CCDC136: variants seen among roughly 807,000 people sequenced by gnomAD.
CCDC136 encodes the protein coiled-coil domain containing 136.
In CCDC136, 100 loss-of-function variants were observed where a neutral mutation model predicts 141.2. The observed-to-expected ratio is 0.71, with a 90% CI of 0.60 to 0.84. CCDC136 has a LOEUF of 0.84. CCDC136 is among the 40% of genes least tolerant of loss of function. The pLI, the probability that CCDC136 is intolerant of heterozygous loss-of-function variation, is 0.00. For synonymous variants in CCDC136, 474 were observed against 531.9 expected (o/e 0.89, Z 1.50); for missense variants, 1,206 against 1,379.4 (o/e 0.87, Z 1.99).
intron 10 of CCDC136, among the ~76,000 whole-genome samples, chr7:128,808,004 C>T (rs1327600888): frequency 6.6e-6 from 1 of 152,156 alleles, no homozygotes; most frequent in Non-Finnish European, 1.5e-5. Context: ...GACCTAGGCT[C>T]TTCTAGGATT....
Position 128,815,874 on chromosome 7 carries a change from C to T in CCDC136, c.3306C>T (p.Asp1102=), listed in dbSNP as rs1370892079. ...EDSEEEEDDA[D]SSLESPEENN... ...GTGAAGAGGAGGAGGATGACGCCGA[C>T]TCTTCCCTTGAAAGTCCCGAAGAAA... Residue 1102 remains aspartate, a synonymous_variant, in exon 16 of 18, where the codon GAC becomes GAT. Transcript: ENST00000297788. 2 of 1,613,920 alleles carry T rather than the reference C, an allele frequency of 1.2e-6. No individual in the cohort carries two copies. The highest frequency in any genetic ancestry group is 2.7e-5 in the African/African-American group (2 of 75,018).
Position 128,801,486 on chromosome 7 carries a change from T to C in CCDC136, c.647T>C (p.Leu216Pro). 1 of 1,605,134 alleles carries C rather than the reference T, an allele frequency of 6.2e-7. No individual in the cohort carries two copies. Residue 216 changes from leucine (L) to proline (P), a missense_variant, in exon 4 of 18, where the codon CTC becomes CCC. Physicochemically the swap from Leu to Pro is moderately conservative, Grantham distance 98. Coordinates refer to ENST00000297788, the MANE Select transcript of CCDC136 (RefSeq NM_022742.5). Reference sequence around the variant, plus strand: ...TCTGAACCATCCGGTAGTTTAGGTCTCTCAGATTACTCTGGGTTACAAGGT... The same window carrying C: ...TCTGAACCATCCGGTAGTTTAGGTCCCTCAGATTACTCTGGGTTACAAGGT... ...KSSEPSGSLG[L>P]SDYSGLQEEL... is the part of the protein sequence containing the mutation.
intron 9 of CCDC136, among the ~76,000 whole-genome samples, 186 bp from the exon 10 acceptor site, chr7:128,807,174 C>T (rs1804988361): frequency 1.3e-5 from 2 of 152,178 alleles, no homozygotes; most frequent in South Asian, 4.1e-4. Flanking sequence ...GGAAAGGCTG[C>T]ACTGGGAAGG....
Position 128,812,709 on chromosome 7 carries a change from G to C in CCDC136, c.2543G>C (p.Arg848Pro). 6.2e-7 allele frequency: 1 copy of C among 1,611,876 alleles called. No individual in the cohort carries two copies. Among genetic ancestry groups the C allele is most frequent in the Non-Finnish European group, 8.5e-7 (1 of 1,179,292 alleles). ...EEPAEPEDME[R>P]FEEMVVKVLI... is the part of the protein sequence containing the mutation. ...TTGTTGCTCCCCCACCCCCCGCAGC[G>C]CTTTGAGGAAATGGTTGTGAAAGTG... Residue 848 changes from arginine (R) to proline (P), a missense_variant and splice_region_variant, in exon 14 of 18, where the codon CGC becomes CCC. By Grantham distance (103) the Arg-to-Pro change is moderately radical (BLOSUM62 -2). Transcript: ENST00000297788.
Position 128,809,432 on chromosome 7 carries a change from A to ACCCCC in CCDC136, c.1606-15_1606-14insCCCCC. ...CTTACAGAGTAACCACCCCCTCCACACCCGCCCCCACCCACAGTGTGACAC... is the reference window on the plus strand; with the variant it reads ...CTTACAGAGTAACCACCCCCTCCACACCCCCCCCGCCCCCACCCACAGTGTGACAC... On this transcript the variant is annotated splice_polypyrimidine_tract_variant and intron_variant, in intron 10 of 17. Coordinates refer to ENST00000297788, the MANE Select transcript of CCDC136 (RefSeq NM_022742.5). 3.2e-6 allele frequency: 4 copies of ACCCCC among 1,253,168 alleles called. No individual in the cohort carries two copies. Among genetic ancestry groups the ACCCCC allele is most frequent in the Non-Finnish European group, 4.5e-6 (4 of 898,208 alleles). 77.6% of individuals were successfully genotyped at this position (1,253,168 alleles called of 1,614,324 possible).
rs1409420724 is a variant in CCDC136 at position 128,805,885 on chromosome 7, C to G, written c.1073C>G (p.Ser358Cys). The change falls in exon 7 of 18, where the codon TCC becomes TGC. Residue 358 changes from serine (S) to cysteine (C), a missense_variant. Coordinates refer to ENST00000297788, the MANE Select transcript of CCDC136 (RefSeq NM_022742.5). The surrounding 1 kb of genome is among the most constrained non-coding windows in gnomAD (Gnocchi z 4.6). ...AQNEVLRFQT[S>C]HSVTQNEELK... Reference sequence around the variant, plus strand: ...AATGAGGTGCTTCGGTTTCAGACCTCCCACAGTGTCACCCAGGTAAACACT... The same window carrying G: ...AATGAGGTGCTTCGGTTTCAGACCTGCCACAGTGTCACCCAGGTAAACACT... The G allele has an allele frequency of 6.2e-7, 1 of 1,613,784 alleles. No homozygotes were observed. Among genetic ancestry groups the G allele is most frequent in the Admixed American group, 1.7e-5 (1 of 59,994 alleles).
rs1803984596 is a variant in CCDC136 at position 128,801,342 on chromosome 7, T to C, written c.503T>C (p.Ile168Thr). 6 of 1,613,646 alleles carry C rather than the reference T, an allele frequency of 3.7e-6. No individual in the cohort carries two copies. Among genetic ancestry groups the C allele is most frequent in the African/African-American group, 1.3e-5 (1 of 75,006 alleles). The change falls in exon 4 of 18, where the codon ATA becomes ACA. Residue 168 changes from isoleucine (I) to threonine (T), a missense_variant. Physicochemically the swap from Ile to Thr is moderately conservative, Grantham distance 89. Transcript: ENST00000297788. ...TCCGCAACTGAACATGAGAGTGACATAGCATCCCTGCAGGAGGATCTCTGC... is the reference window on the plus strand; with the variant it reads ...TCCGCAACTGAACATGAGAGTGACACAGCATCCCTGCAGGAGGATCTCTGC... Reference protein sequence around the residue: ...EDSATEHESDIASLQEDLCRM... With the variant: ...EDSATEHESDTASLQEDLCRM...
chr7:128,798,648 A>G (rs931299013), intron 3 of CCDC136, among the ~76,000 whole-genome samples: 3 of 152,142 alleles, frequency 2.0e-5, no homozygotes, highest in Admixed American at 1.3e-4. Flanking sequence ...CTGTTTCTCC[A>G]GAACACCCAC....
chr7:128,816,338 C>T (rs541159397), intron 16 of CCDC136, among the ~76,000 whole-genome samples: 82 of 152,354 alleles, frequency 5.4e-4, no homozygotes, highest in African/African-American at 1.9e-3. Context: ...GTCACTCAGT[C>T]CAGTTTTCCT....
rs144717767 is a variant in CCDC136, at chr7:128,802,504, G to GAT, written c.670+996_670+997dup. On this transcript the variant is annotated intron_variant, in intron 4 of 17. Coordinates refer to ENST00000297788, the MANE Select transcript of CCDC136 (RefSeq NM_022742.5). ...GTATCTCAGCTCCACTAATTAGCAG[G>GAT]ATGAACGTAGGAGGTCTGGTTATGG... Among the ~76,000 whole-genome samples the GAT allele has an allele frequency of 7.3e-3, 1,113 of 152,216 alleles. 9 individuals carry two copies. Among genetic ancestry groups the GAT allele is most frequent in the South Asian group, 0.032 (154 of 4,816 alleles).
At position 128,811,876 on chromosome 7, in the gene CCDC136, TGCAGCAAGAGCAAG is replaced by T; in HGVS notation, c.2107_2120del (p.Gln703GlufsTer35). On this transcript the variant is annotated frameshift_variant, in exon 13 of 18. Coordinates refer to ENST00000297788, the MANE Select transcript of CCDC136 (RefSeq NM_022742.5). LOFTEE classifies it high-confidence loss of function. ...GCCGGTCAGGCGAAGCAGGAGCTCT[TGCAGCAAGAGCAAG>T]GGAGGCTCCTAGAGGAGCGGAAGAG... The T allele has an allele frequency of 6.2e-7, 1 of 1,613,308 alleles. No homozygotes were observed. The highest frequency in any genetic ancestry group is 8.5e-7 in the Non-Finnish European group (1 of 1,179,580).
intron 3 of CCDC136, among the ~76,000 whole-genome samples, chr7:128,795,403 G>A (rs992767475): frequency 1.6e-4 from 24 of 152,002 alleles, no homozygotes; most frequent in East Asian, 1.9e-4. Flanking sequence ...GTGGGCCTCC[G>A]GAAGGTTTAG....
rs1474301276 is a variant in CCDC136 at position 128,817,796 on chromosome 7, T to C, written c.3402T>C (p.Pro1134=). The change falls in exon 17 of 18, where the codon CCT becomes CCC. Residue 1134 remains proline (P), a synonymous_variant. Transcript: ENST00000297788. The surrounding 1 kb of genome is among the most constrained non-coding windows in gnomAD (Gnocchi z 4.6). The stretch of plus-strand genomic sequence containing the variant: ...CCAATCCCCCCATCTTCTCCTTGCC[T>C]CTTGTAGGCCTGGTGGTCATCTCGG... The part of the protein sequence containing the change: ...PTPNPPIFSL[P]LVGLVVISAL... 5 of 1,613,860 alleles carry C rather than the reference T, an allele frequency of 3.1e-6. No individual in the cohort carries two copies. The highest frequency in any genetic ancestry group is 1.7e-6 in the Non-Finnish European group (2 of 1,179,850).
At position 128,805,866 on chromosome 7, in the gene CCDC136, G is replaced by A. The variant is rs1477654988; in HGVS notation, c.1054G>A (p.Val352Met). 3.1e-6 allele frequency: 5 copies of A among 1,613,940 alleles called. No homozygotes were observed. Among genetic ancestry groups the A allele is most frequent in the Non-Finnish European group, 4.2e-6 (5 of 1,179,894 alleles). ...GGAGCTCAAGTGTGCTCAGAATGAG[G>A]TGCTTCGGTTTCAGACCTCCCACAG... ...QRELKCAQNE[V>M]LRFQTSHSVT... Residue 352 changes from valine (V) to methionine (M), a missense_variant, in exon 7 of 18, where the codon GTG (valine) becomes ATG (methionine). Physicochemically the swap from Val to Met is conservative, Grantham distance 21 (BLOSUM62 1). Coordinates refer to ENST00000297788, the MANE Select transcript of CCDC136 (RefSeq NM_022742.5). The surrounding 1 kb of genome is among the most constrained non-coding windows in gnomAD (Gnocchi z 4.6).
chr7:128,820,493 G>T (rs1375056027), intron 17 of CCDC136, among the ~76,000 whole-genome samples: 2 of 152,194 alleles, frequency 1.3e-5, no homozygotes, highest in Non-Finnish European at 2.9e-5. Flanking sequence ...AAGGATTTCA[G>T]CTCCTCCCTC....
At chr7:128,819,359 C>T (rs1175734142) in intron 17 of CCDC136, among the ~76,000 whole-genome samples, 1 of 152,210 alleles carries the variant, frequency 6.6e-6, no homozygotes, top group Admixed American at 6.5e-5. Context: ...GTCAGAAGAA[C>T]TTGGTTGAGT....
Position 128,792,098 on chromosome 7 carries a change from A to G in CCDC136, c.-314A>G. 7.3e-7 allele frequency: 1 copy of G among 1,377,048 alleles called. No homozygotes were observed. The highest frequency in any genetic ancestry group is 1.5e-5 in the African/African-American group (1 of 66,536). The allele number at this position is 1,377,048 out of a possible 1,614,324, so 85.3% of individuals were successfully genotyped here. ...CCCCCTCTTTCTTTCTGTGCAAGCA[A>G]GAGGGTCCTGGAACAGCGGGTTCTG... On this transcript the variant is annotated 5_prime_UTR_variant, in exon 1 of 18. Transcript: ENST00000297788.
In CCDC136 at chr7:128,815,768, C is replaced by T; in HGVS notation, c.3200C>T (p.Ala1067Val). 1 of 1,573,862 alleles carries T rather than the reference C, an allele frequency of 6.4e-7. No individual in the cohort carries two copies. The highest frequency in any genetic ancestry group is 2.4e-5 in the East Asian group (1 of 42,234). The change falls in exon 16 of 18, where the codon GCA (alanine) becomes GTA (valine). Residue 1067 changes from alanine to valine, a missense_variant. Physicochemically the swap from Ala to Val is moderately conservative, Grantham distance 64. Transcript: ENST00000297788. Reference sequence around the variant, plus strand: ...GGGGATGAGCTAGTTGCTGAGCCAGCAGATCCTGAGGAAGCTAAATCCACA... The same window carrying T: ...GGGGATGAGCTAGTTGCTGAGCCAGTAGATCCTGAGGAAGCTAAATCCACA... ...QCGDELVAEP[A>V]DPEEAKSTED...
chr7:128,804,886 T>C (rs1178028527), intron 5 of CCDC136, 125 bp downstream of exon 5: 5 of 622,708 alleles, frequency 8.0e-6, no homozygotes, highest in South Asian at 2.0e-5. Context: ...CCCAGTCCTT[T>C]CCATGGTTTC....
Sources: gnomAD v4.1 joint callset for allele counts (sites outside exome capture counted in the v4.1 genomes callset) on GRCh38, gnomAD v4.1.1 for gene constraint, Gnocchi (gnomAD v3.1) non-coding constraint, MANE v1.5 for transcripts, NCBI Gene and HGNC (gene_info 2026-07-23, HGNC 2026-07-21) for gene names.